The following ZBBX variants were observed in gnomAD, a reference collection of about 807,000 sequenced individuals.
ZBBX encodes zinc finger B-box domain-containing protein 1.
A neutral mutation model predicts 108.5 loss-of-function variants in ZBBX; 101 were observed. The observed-to-expected ratio is 0.93, with a 90% CI of 0.79 to 1.10. The LOEUF (loss-of-function observed/expected upper bound fraction) is 1.10. Ranked by LOEUF, ZBBX falls within the 50% of genes least tolerant of loss-of-function variation. The pLI, the probability that ZBBX is intolerant of heterozygous loss-of-function variation, is 0.00. For synonymous variants in ZBBX, 356 were observed against 323.4 expected, an observed-to-expected ratio of 1.10 and a Z score of -1.08; for missense variants, 1,009 against 941.4, an observed-to-expected ratio of 1.07 and a Z score of -0.94.
At chr3:167,392,788 C>T (rs575517846) in intron 1 of ZBBX, 46 of 151,864 alleles carry the variant, frequency 3.0e-4, no homozygotes, top group African/African-American at 1.1e-3. Context: ...AAACGGGCTT[C>T]CAGATTTTAG....
At chr3:167,220,354 AAACTT>A in the ZBBX span, among the ~76,000 whole-genome samples, 1 of 152,034 alleles carries the variant, frequency 6.6e-6, no homozygotes, top group African/African-American at 2.4e-5. Flanking sequence ...CTAACAAACT[AAACTT>A]AACAACACAT....
intron 18 of ZBBX, among the ~76,000 whole-genome samples, chr3:167,289,556 T>C (rs554140163): frequency 1.3e-5 from 2 of 152,306 alleles, no homozygotes. Flanking sequence ...GACTGTAACT[T>C]GCACTCTGGC....
chr3:167,256,816 A>T (rs1723606586), intron 20 of ZBBX, among the ~76,000 whole-genome samples: 1 of 152,048 alleles, frequency 6.6e-6, no homozygotes. Flanking sequence ...ATTCTCTTTT[A>T]TGGCTGAATG....
At chr3:167,383,230 G>A (rs1292717828), upstream of ZBBX, among the ~76,000 whole-genome samples, 2 of 152,024 alleles carry the variant, frequency 1.3e-5, no homozygotes, top group African/African-American at 2.4e-5. Context: ...GCAAAAGTTT[G>A]TGGGCATTTC....
rs1745758282 is a variant in ZBBX at position 167,368,985 on chromosome 3, T to A, written c.69-411A>T. On this transcript the variant is annotated intron_variant, in intron 4 of 21. Transcript: ENST00000675490. ...TTTAAAACAATAGACGAAATATACA[T>A]TTTTGCTGAACTGGTCACCTCCAAA... is the stretch of plus-strand genomic sequence containing the variant. Among the ~76,000 whole-genome samples, 2 of 152,140 alleles carry A rather than the reference T, an allele frequency of 1.3e-5. 1 individual carries two copies. Among genetic ancestry groups the A allele is most frequent in the South Asian group, 4.1e-4 (2 of 4,832 alleles).
At chr3:167,192,332 T>C in the ZBBX span, among the ~76,000 whole-genome samples, 2 of 152,192 alleles carry the variant, frequency 1.3e-5, no homozygotes, top group African/African-American at 4.8e-5. Flanking sequence ...TTCTCTCAAC[T>C]TTTGTTTGTC....
rs189487768 is a variant in ZBBX, at chr3:167,323,852, G to A, written c.863-1615C>T. ...GAGAGTAACAGGAGATGAGATGTCT[G>A]AGATAATGGACTTCAGATCACACAT... On this transcript the variant is annotated intron_variant, in intron 11 of 21. Coordinates refer to ENST00000675490, the MANE Select transcript of ZBBX (RefSeq NM_001199201.2). Among the ~76,000 whole-genome samples, 3 of 152,170 alleles carry A rather than the reference G, an allele frequency of 2.0e-5. No homozygotes were observed. The East Asian group carries it at 5.8e-4, about 29-fold the overall frequency.
At chr3:167,191,652 C>G in the ZBBX span, among the ~76,000 whole-genome samples, 28,307 of 151,794 alleles carry the variant, frequency 0.19, 3,054 homozygotes, top group Non-Finnish European at 0.25. Flanking sequence ...GTGAAGCCTC[C>G]CCAGCCACGT....
intron 1 of ZBBX, among the ~76,000 whole-genome samples, chr3:167,404,981 G>T (rs116428753): frequency 0.021 from 3,189 of 152,140 alleles, 82 homozygotes; most frequent in Non-Finnish European, 0.024. Flanking sequence ...AATAGAAACT[G>T]GTCACTTAGA....
chr3:167,366,790 G>C (rs1376933001), intron 5 of ZBBX: 2 of 455,218 alleles, frequency 4.4e-6, no homozygotes, highest in South Asian at 1.6e-5. Context: ...TATCAGGGCT[G>C]ATTCCAGCAA....
intron 20 of ZBBX, among the ~76,000 whole-genome samples, chr3:167,278,360 A>G (rs1424626578): frequency 2.6e-5 from 4 of 151,090 alleles, no homozygotes; most frequent in African/African-American, 7.3e-5. Context: ...TAGCAAGACT[A>G]ATAAAGAAAA....
intron 20 of ZBBX, among the ~76,000 whole-genome samples, chr3:167,275,391 C>A (rs1052503192): frequency 6.6e-6 from 1 of 152,122 alleles, no homozygotes; most frequent in African/African-American, 2.4e-5. Flanking sequence ...CTAGGGAGTG[C>A]CAGACAGTGG....
chr3:167,328,231 A>G, intron 10 of ZBBX, 115 bp from the exon 11 acceptor site: 1 of 999,350 alleles, frequency 1.0e-6, no homozygotes, highest in Non-Finnish European at 1.4e-6. Context: ...ATTATTAGTC[A>G]TCACAAATCA....
At chr3:167,364,750 T>G (rs1745073314) in intron 6 of ZBBX, among the ~76,000 whole-genome samples, 1 of 151,968 alleles carries the variant, frequency 6.6e-6, no homozygotes, top group Admixed American at 6.6e-5. Context: ...CTGGCTTTCT[T>G]TAAGCTTTAT....
chr3:167,339,696 G>A (rs570713583), intron 9 of ZBBX, among the ~76,000 whole-genome samples: 1 of 152,228 alleles, frequency 6.6e-6, no homozygotes, highest in East Asian at 1.9e-4. Context: ...TACATGTGCA[G>A]AATGTACAGG....
intron 9 of ZBBX, among the ~76,000 whole-genome samples, chr3:167,348,346 A>AAGAAAGAAAGAAAGAAAG (rs1553832730): frequency 3.8e-4 from 44 of 115,748 alleles, no homozygotes; most frequent in African/African-American, 1.5e-3. Flanking sequence ...GAAAGAAAGA[A>AAGAAAGAAAGAAAGAAAG]AGAAAGAAAG....
At chr3:167,179,304 G>T in the ZBBX span, among the ~76,000 whole-genome samples, 1 of 152,346 alleles carries the variant, frequency 6.6e-6, no homozygotes, top group East Asian at 1.9e-4. Context: ...GGGCATTGCT[G>T]GATAATAGCT....
intron 11 of ZBBX, among the ~76,000 whole-genome samples, chr3:167,326,866 A>G (rs547872121): frequency 6.6e-6 from 1 of 152,074 alleles, no homozygotes; most frequent in African/African-American, 2.4e-5. Flanking sequence ...ACACTGTGTA[A>G]TAAAAGTGTA....
chr3:167,306,726 C>T (rs1733711991), intron 16 of ZBBX, among the ~76,000 whole-genome samples: 1 of 152,100 alleles, frequency 6.6e-6, no homozygotes, highest in African/African-American at 2.4e-5. Flanking sequence ...TCTAGATTTT[C>T]TGAAAAATAA....
Sources: gnomAD v4.1 joint callset for allele counts (sites outside exome capture counted in the v4.1 genomes callset) on GRCh38, gnomAD v4.1.1 for gene constraint, MANE v1.5 for transcripts, NCBI Gene and HGNC (gene_info 2026-07-23, HGNC 2026-07-21) for gene names.